Variants in MYH7 observed in about 807,000 individuals in gnomAD.
MYH7 encodes myosin heavy chain 7.
A neutral mutation model predicts 225.4 loss-of-function variants in MYH7; 129 were observed. The ratio of observed to expected loss-of-function variants is 0.57; its 90% CI spans 0.50 to 0.66. The LOEUF is 0.66. Ranked by LOEUF, MYH7 falls within the 30% of genes least tolerant of loss-of-function variation. The probability of loss-of-function intolerance (pLI) is 0.00; values close to 1 mark genes in which losing one functional copy is unlikely to be tolerated. For synonymous variants in MYH7, 971 were observed against 1,007.6 expected (o/e 0.96, Z 0.69); for missense variants, 1,649 against 2,517.0 (o/e 0.66, Z 7.38).
chr14:23,421,908 G>GA, intron 25 of MYH7: 1 of 521,154 alleles, frequency 1.9e-6, no homozygotes, highest in Non-Finnish European at 2.5e-6. Flanking sequence ...TATGAAGGGG[G>GA]AAGGCTGTTA....
In MYH7 at chr14:23,415,244, C is replaced by T. The variant is rs746667903; in HGVS notation, c.5310G>A (p.Lys1770=). The change falls in exon 37 of 40, where the codon AAG becomes AAA. Residue 1770 remains lysine (K), a synonymous_variant. Transcript: ENST00000355349. This position sits in a 1 kb window ranked among gnomAD's most constrained non-coding sequence, Gnocchi z 6.3. ...GGTGGGCGCTGGTGTCCTGCTCCTT[C>T]TTCAGCTCCTCTGCCATCATGGCGG... ...TDAAMMAEEL[K]KEQDTSAHLE... 1.2e-6 allele frequency: 2 copies of T among 1,614,276 alleles called. No individual in the cohort carries two copies. The highest frequency in any genetic ancestry group is 1.7e-6 in the Non-Finnish European group (2 of 1,180,058).
chr14:23,430,220 G>A (rs983019190), intron 11 of MYH7, among the ~76,000 whole-genome samples: 3 of 152,054 alleles, frequency 2.0e-5, no homozygotes, highest in African/African-American at 7.2e-5. Context: ...TTCCATACCT[G>A]TCTGCATCTG....
At chr14:23,418,031 A>C (rs1367135160) in intron 30 of MYH7, 179 bp downstream of exon 30, 1 of 1,031,488 alleles carries the variant, frequency 9.7e-7, no homozygotes, top group African/African-American at 1.6e-5. Context: ...TCGGATCAGA[A>C]ACATAATTCG....
chr14:23,432,670 G>A lies in MYH7; in HGVS notation c.471C>T (p.Ile157=). ...GCATGTACTGATAGGCGTTGTCGGA[G>A]ATGGAGAAGATGTGGGGCGGGGCCT... is the stretch of plus-strand genomic sequence containing the variant. ...RSEAPPHIFS[I]SDNAYQYMLT... Residue 157 remains isoleucine, a synonymous_variant, in exon 5 of 40, where the codon ATC becomes ATT. Transcript: ENST00000355349. The A allele has an allele frequency of 6.2e-7, 1 of 1,614,118 alleles. No homozygotes were observed. Among genetic ancestry groups the A allele is most frequent in the Non-Finnish European group, 8.5e-7 (1 of 1,180,028 alleles).
chr14:23,430,885 G>A lies in MYH7; in HGVS notation c.895+16C>T, dbSNP rs757052861. ...GCCATGGAGATAGTTGGTCTCAGTCGGTGGCTCTGACTCACCCAGCAGCTC... is the reference window on the plus strand; with the variant it reads ...GCCATGGAGATAGTTGGTCTCAGTCAGTGGCTCTGACTCACCCAGCAGCTC... On this transcript the variant is annotated intron_variant, in intron 10 of 39. Coordinates refer to ENST00000355349, the MANE Select transcript of MYH7 (RefSeq NM_000257.4). 13 of 1,586,392 alleles carry A rather than the reference G, an allele frequency of 8.2e-6. No homozygotes were observed. The South Asian group carries it at 9.9e-5, about 12-fold the overall frequency.
chr14:23,415,659 A>G lies in MYH7; in HGVS notation c.5127T>C (p.Thr1709=), dbSNP rs760420056. ...AATGCAGCAGCTGCACCCGCTCACTAGTCTCAATCAGCTCCTGCTCCGCCA... is the reference window on the plus strand; with the variant it reads ...AATGCAGCAGCTGCACCCGCTCACTGGTCTCAATCAGCTCCTGCTCCGCCA... ...RKLAEQELIE[T]SERVQLLHSQ... The change falls in exon 35 of 40, where the codon ACT becomes ACC. Residue 1709 remains threonine (T), a synonymous_variant. Coordinates refer to ENST00000355349, the MANE Select transcript of MYH7 (RefSeq NM_000257.4). The surrounding 1 kb of genome is among the most constrained non-coding windows in gnomAD (Gnocchi z 6.3). The G allele has an allele frequency of 5.6e-6, 9 of 1,613,978 alleles. No individual in the cohort carries two copies. Among genetic ancestry groups the G allele is most frequent in the South Asian group, 1.1e-5 (1 of 91,086 alleles).
intron 26 of MYH7, among the ~76,000 whole-genome samples, 192 bp from the exon 27 acceptor site, chr14:23,420,426 G>A (rs1892431903): frequency 6.6e-6 from 1 of 152,322 alleles, no homozygotes; most frequent in Middle Eastern, 3.4e-3. Flanking sequence ...CAGTCTACAT[G>A]CTCTTTATTG....
rs587781087 is a variant in MYH7, at chr14:23,431,767, C to T, written c.633G>A (p.Pro211=). The T allele has an allele frequency of 3.3e-5, 53 of 1,614,124 alleles. No individual in the cohort carries two copies. The highest frequency in any genetic ancestry group is 6.7e-5 in the Admixed American group (4 of 60,004). ...TGGAGGGCAGCAGGCCTACCTTGCC[C>T]GGGCTCTGGTCCTTCTTGCTGCGGT... ...IGDRSKKDQS[P]GKGTLEDQII... is the part of the protein sequence containing the mutation. Residue 211 remains proline, a synonymous_variant, in exon 7 of 40, where the codon CCG becomes CCA. Transcript: ENST00000355349.
rs979509908 is a variant in MYH7 at position 23,416,058 on chromosome 14, G to A, written c.4899C>T (p.Asn1633=). ...GCTTCTGGGCCTCGGCGGCCATGCG[G>A]TTGGCGTGGCTGAGCTGGATCTCCA... is the stretch of plus-strand genomic sequence containing the variant. ...NEMEIQLSHA[N]RMAAEAQKQV... is the part of the protein sequence containing the mutation. Residue 1633 remains asparagine, a synonymous_variant, in exon 34 of 40, where the codon AAC becomes AAT. Coordinates refer to ENST00000355349, the MANE Select transcript of MYH7 (RefSeq NM_000257.4). 4 of 1,614,094 alleles carry A rather than the reference G, an allele frequency of 2.5e-6. No individual in the cohort carries two copies. In the African/African-American group the frequency reaches 4.0e-5, roughly 16 times the overall value.
intron 18 of MYH7, among the ~76,000 whole-genome samples, chr14:23,426,558 G>C (rs1566533086): frequency 6.6e-6 from 1 of 152,226 alleles, no homozygotes; most frequent in Admixed American, 6.5e-5. Context: ...CACTGATGAG[G>C]TAATGTCCAT....
chr14:23,414,793 G>C (rs1189845179), intron 37 of MYH7, among the ~76,000 whole-genome samples: 1 of 152,106 alleles, frequency 6.6e-6, no homozygotes, highest in East Asian at 1.9e-4. Context: ...TGTTGAGATG[G>C]AGCTCCCAGG....
rs1275669506 is a variant in MYH7, at chr14:23,425,236, G to A, written c.2423+46C>T. 10 of 1,614,040 alleles carry A rather than the reference G, an allele frequency of 6.2e-6. No homozygotes were observed. The highest frequency in any genetic ancestry group is 8.5e-6 in the Non-Finnish European group (10 of 1,180,010). Reference sequence around the variant, plus strand: ...TTTTCCTGACACTGCCCCTGAACCAGCCTGGGCCTCAGAGAAGCGGGAAAC... The same window carrying A: ...TTTTCCTGACACTGCCCCTGAACCAACCTGGGCCTCAGAGAAGCGGGAAAC... On this transcript the variant is annotated intron_variant, in intron 21 of 39. Transcript: ENST00000355349. The surrounding 1 kb of genome is among the most constrained non-coding windows in gnomAD (Gnocchi z 4.6).
Position 23,413,033 on chromosome 14 carries a change from T to G in MYH7, c.5791-162A>C, listed in dbSNP as rs2754150. Among the ~76,000 whole-genome samples the G allele has an allele frequency of 0.012, 1,879 of 152,226 alleles. 13 individuals are homozygous for G. The highest frequency in any genetic ancestry group is 0.017 in the Non-Finnish European group (1,172 of 67,996). On this transcript the variant is annotated intron_variant, in intron 39 of 39. Transcript: ENST00000355349. ...GCACATGTGTTTCCAGGGATCGATG[T>G]TCGGGGGGCAAGTTCTGGAGGGTAG... is the stretch of plus-strand genomic sequence containing the variant.
rs730880767 is a variant in MYH7, at chr14:23,422,277, G to T, written c.3148C>A (p.Arg1050=). The change falls in exon 25 of 40, where the codon CGA becomes AGA. Residue 1050 remains arginine, a synonymous_variant. Transcript: ENST00000355349. ...TCGCCCTCCAGCTTCCGCTTCGCTC[G>T]CTCCAGGTCCATGCGCACCTTCTTC... ...QEKKVRMDLE[R]AKRKLEGDLK... is the part of the protein sequence containing the mutation. 1.2e-6 allele frequency: 2 copies of T among 1,614,096 alleles called. No individual in the cohort carries two copies. Among genetic ancestry groups the T allele is most frequent in the East Asian group, 4.5e-5 (2 of 44,864 alleles).
Position 23,419,201 on chromosome 14 carries a change from C to CT in MYH7, c.3947dup (p.Arg1317GlufsTer8), listed in dbSNP as rs766053403. 1 of 1,614,230 alleles carries CT rather than the reference C, an allele frequency of 6.2e-7. No homozygotes were observed. Among genetic ancestry groups the CT allele is most frequent in the South Asian group, 1.1e-5 (1 of 91,084 alleles). ...CCTTAACCTCCTCCTCCAGCTGCCT[C>CT]TTGAGGTCCTCCAGCTGCTGGGTGT... On this transcript the variant is annotated frameshift_variant, in exon 29 of 40. Coordinates refer to ENST00000355349, the MANE Select transcript of MYH7 (RefSeq NM_000257.4). LOFTEE classifies it high-confidence loss of function.
chr14:23,433,688 G>A lies in MYH7; in HGVS notation c.45C>T (p.Tyr15=). ...GCCGCTCCTTCTCTGACTTGCGCAG[G>A]TAGGGGGCGGCAGCCCCAAAGACTG... ...EMAVFGAAAP[Y]LRKSEKERLE... is the part of the protein sequence containing the mutation. The change falls in exon 3 of 40, where the codon TAC becomes TAT. Residue 15 remains tyrosine, a synonymous_variant. Transcript: ENST00000355349. This position sits in a 1 kb window ranked among gnomAD's most constrained non-coding sequence, Gnocchi z 4.1. 6.2e-7 allele frequency: 1 copy of A among 1,614,252 alleles called. No individual in the cohort carries two copies.
Position 23,423,940 on chromosome 14 carries a change from T to C in MYH7, c.2889A>G (p.Lys963=), listed in dbSNP as rs549675692. 1.2e-6 allele frequency: 2 copies of C among 1,614,162 alleles called. No homozygotes were observed. Among genetic ancestry groups the C allele is most frequent in the East Asian group, 4.5e-5 (2 of 44,878 alleles). The stretch of plus-strand genomic sequence containing the variant: ...CTGTTGCGTGTTTCTCCTTCTCCAC[T>C]TTGGCCAGTGTCAGCTCCAGATCAT... ...DIDDLELTLA[K]VEKEKHATEN... The change falls in exon 23 of 40, where the codon AAA becomes AAG. Residue 963 remains lysine (K), a synonymous_variant. Coordinates refer to ENST00000355349, the MANE Select transcript of MYH7 (RefSeq NM_000257.4).
chr14:23,421,108 C>G, intron 25 of MYH7, 60 bp from the exon 26 acceptor site: 1 of 1,267,356 alleles, frequency 7.9e-7, no homozygotes, highest in Non-Finnish European at 1.2e-6. Context: ...GAGGGTCCAC[C>G]AGTGGTTGAA....
At chr14:23,428,696 C>T (rs1327373223) in intron 14 of MYH7, 26 bp from the exon 15 acceptor site, 2 of 1,613,620 alleles carry the variant, frequency 1.2e-6, no homozygotes, top group African/African-American at 2.7e-5. Context: ...GGGGTGGGAG[C>T]AGTCAGAAAG....
Sources: allele counts gnomAD v4.1 joint callset (sites outside exome capture counted in the v4.1 genomes callset), GRCh38; gene constraint gnomAD v4.1.1; non-coding constraint Gnocchi (gnomAD v3.1); transcripts MANE v1.5; gene names NCBI Gene and HGNC (gene_info 2026-07-23, HGNC 2026-07-21).